SECISBP2: variants seen among roughly 807,000 people sequenced by gnomAD.
SECISBP2 encodes SECIS binding protein 2.
SECISBP2 carries 96 observed loss-of-function variants against 98.2 expected under a neutral mutation model. The observed-to-expected ratio is 0.98, with a 90% CI of 0.83 to 1.16. The LOEUF (loss-of-function observed/expected upper bound fraction) is 1.16, where lower values mean the gene tolerates loss of function less well. SECISBP2 is among the 50% of genes most tolerant of loss of function. SECISBP2 has a pLI of 0.00. For missense variants in SECISBP2, 1,046 were observed against 1,022.9 expected (o/e 1.02, Z -0.31); for synonymous variants, 407 against 370.2 (o/e 1.10, Z -1.14).
chr9:89,341,607 G>A (rs532902239), intron 10 of SECISBP2, 128 bp downstream of exon 10: 86 of 1,087,314 alleles, frequency 7.9e-5, no homozygotes, highest in South Asian at 7.5e-4. Context: ...AATAAGCATA[G>A]ATAAGGACCT....
At chr9:89,357,651 C>T (rs1832296938) in intron 15 of SECISBP2, 86 bp downstream of exon 15, 2 of 1,524,432 alleles carry the variant, frequency 1.3e-6, no homozygotes, top group African/African-American at 2.7e-5. Context: ...ACCCACAGAG[C>T]AGCCCCAGAA....
chr9:89,354,433 T>C lies in SECISBP2; in HGVS notation c.2114-2978T>C, dbSNP rs867287817. ...TTTAGTGACATCACATAGGAGACTC[T>C]TAATATCCCAGAGACAAGTTAAGAG... is the stretch of plus-strand genomic sequence containing the variant. On this transcript the variant is annotated intron_variant, in intron 14 of 16. Transcript: ENST00000375807. Among the ~76,000 whole-genome samples, 18 of 152,310 alleles carry C rather than the reference T, an allele frequency of 1.2e-4. 2 individuals carry two copies. In the Middle Eastern group the frequency reaches 0.027, roughly 230 times the overall value.
intron 14 of SECISBP2, chr9:89,355,302 A>G (rs1831899927): frequency 3.0e-6 from 3 of 985,456 alleles, no homozygotes; most frequent in South Asian, 4.7e-5. Context: ...CCTGGCCTAC[A>G]ATGCTGTGTG....
intron 4 of SECISBP2, among the ~76,000 whole-genome samples, chr9:89,326,939 G>T (rs1826810762): frequency 1.3e-5 from 2 of 152,182 alleles, no homozygotes; most frequent in Non-Finnish European, 2.9e-5. Context: ...GAGACGGGCG[G>T]ATCACGAGGT....
downstream of SECISBP2, chr9:89,363,342 A>C: frequency 6.4e-7 from 1 of 1,572,126 alleles, no homozygotes; most frequent in Non-Finnish European, 8.6e-7. Context: ...TCCATGCTGA[A>C]TGGGGCCCTT....
chr9:89,338,392 C>A, intron 7 of SECISBP2, 66 bp from the exon 8 acceptor site: 1 of 1,552,422 alleles, frequency 6.4e-7, no homozygotes, highest in Non-Finnish European at 8.8e-7. Context: ...TTTGTTGATA[C>A]ATAGTATTAA....
chr9:89,339,056 G>A (rs1206420948), intron 8 of SECISBP2, among the ~76,000 whole-genome samples: 1 of 152,192 alleles, frequency 6.6e-6, no homozygotes, highest in Non-Finnish European at 1.5e-5. Flanking sequence ...TGCTTTAATT[G>A]TTCCATGATA....
intron 14 of SECISBP2, among the ~76,000 whole-genome samples, chr9:89,351,395 CAT>C (rs1207414068): frequency 6.6e-6 from 1 of 152,194 alleles, no homozygotes. Context: ...TGTGACATCT[CAT>C]GTTTACCCTG....
chr9:89,328,364 G>A (rs1406662082), intron 4 of SECISBP2, among the ~76,000 whole-genome samples: 2 of 152,132 alleles, frequency 1.3e-5, no homozygotes, highest in Non-Finnish European at 2.9e-5. Flanking sequence ...TGTTGTATAC[G>A]TAATCCATTG....
chr9:89,333,970 A>G, intron 6 of SECISBP2: 1 of 1,003,708 alleles, frequency 1.0e-6, no homozygotes, highest in Non-Finnish European at 1.2e-6. Flanking sequence ...CAGGCTGCTG[A>G]CAGGTGTTCA....
chr9:89,346,326 A>G lies in SECISBP2; in HGVS notation c.1436-556A>G, dbSNP rs189559719. Among the ~76,000 whole-genome samples, 207 of 152,364 alleles carry G rather than the reference A, an allele frequency of 1.4e-3. 2 individuals carry two copies. Among genetic ancestry groups the G allele is most frequent in the African/African-American group, 4.8e-3 (198 of 41,588 alleles). ...TACTGACTATGTAGAGGAATTACCA[A>G]CTGCCCATGATGGGATTTTGGAAAA... On this transcript the variant is annotated intron_variant, in intron 10 of 16. Transcript: ENST00000375807.
At chr9:89,362,355 G>T (rs1293285714), downstream of SECISBP2, 4 of 1,614,062 alleles carry the variant, frequency 2.5e-6, no homozygotes, top group Non-Finnish European at 3.4e-6. Flanking sequence ...AGTGGCAGCA[G>T]GGTCTTGTTG....
chr9:89,330,976 A>C lies in SECISBP2; in HGVS notation c.802-1932A>C, dbSNP rs146869722. On this transcript the variant is annotated intron_variant, in intron 5 of 16. Transcript: ENST00000375807. ...TACATACTGATTGCTCTATTAAGAG[A>C]GTCACATACACTCTTGAATTATGTG... 6.1e-3 allele frequency among the ~76,000 whole-genome samples: 927 copies of C among 152,346 alleles called. 6 individuals are homozygous for C. The highest frequency in any genetic ancestry group is 0.017 in the Middle Eastern group (5 of 294).
In SECISBP2 at chr9:89,331,450, T is replaced by G. The variant is rs371943025; in HGVS notation, c.802-1458T>G. Among the ~76,000 whole-genome samples the G allele has an allele frequency of 8.5e-5, 13 of 152,250 alleles. No homozygotes were observed. In the East Asian group the frequency reaches 1.9e-3, roughly 22 times the overall value. On this transcript the variant is annotated intron_variant, in intron 5 of 16. Coordinates refer to ENST00000375807, the MANE Select transcript of SECISBP2 (RefSeq NM_024077.5). The stretch of plus-strand genomic sequence containing the variant: ...TTATGAATTGACAAATGGATAAATT[T>G]GTGAAGCATATGAATTTTAAAAATT...
chr9:89,343,953 G>T (rs186253528), intron 10 of SECISBP2, among the ~76,000 whole-genome samples: 10 of 152,282 alleles, frequency 6.6e-5, no homozygotes, highest in Non-Finnish European at 1.0e-4. Context: ...TACACTCCCA[G>T]CAACAGTGTA....
chr9:89,348,187 C>T lies in SECISBP2; in HGVS notation c.1711C>T (p.Gln571Ter). The T allele has an allele frequency of 6.2e-7, 1 of 1,614,144 alleles. No individual in the cohort carries two copies. Among genetic ancestry groups the T allele is most frequent in the South Asian group, 1.1e-5 (1 of 91,074 alleles). The stretch of plus-strand genomic sequence containing the variant: ...AGATGGAGAGAGTGGTGGTGATGAC[C>T]AGTTTCCCGAGCAGGCAGAGCTGTC... ...TQDGESGGDD[Q>*]FPEQAELSGP... Residue 571 changes from glutamine (Q) to a stop codon, truncating the protein, a stop_gained, in exon 12 of 17, where the codon CAG becomes TAG. Coordinates refer to ENST00000375807, the MANE Select transcript of SECISBP2 (RefSeq NM_024077.5). LOFTEE classifies it high-confidence loss of function.
chr9:89,323,431 A>T (rs1178515884), intron 2 of SECISBP2: 1 of 152,724 alleles, frequency 6.5e-6, no homozygotes. Flanking sequence ...GGCAGGTGAG[A>T]GCCAGGCGAG....
chr9:89,363,276 A>AG (rs989768481), downstream of SECISBP2, among the ~76,000 whole-genome samples: 2 of 149,442 alleles, frequency 1.3e-5, no homozygotes, highest in Non-Finnish European at 3.0e-5. Context: ...TTCCCCCCCC[A>AG]GTGTTGCAGA....
chr9:89,351,878 G>A (rs1223463710), intron 14 of SECISBP2, among the ~76,000 whole-genome samples: 1 of 152,150 alleles, frequency 6.6e-6, no homozygotes, highest in East Asian at 1.9e-4. Flanking sequence ...GGCTGTTTTT[G>A]TCAGTGTTGT....
Sources: gnomAD v4.1 joint callset for allele counts (sites outside exome capture counted in the v4.1 genomes callset) on GRCh38, gnomAD v4.1.1 for gene constraint, MANE v1.5 for transcripts, NCBI Gene and HGNC (gene_info 2026-07-23, HGNC 2026-07-21) for gene names.